The following CDH10 variants were observed in gnomAD, a reference collection of about 807,000 sequenced individuals.
CDH10 encodes cadherin-10.
A neutral mutation model predicts 73.1 loss-of-function variants in CDH10; 30 were observed. That is an observed-to-expected ratio of 0.41 (90% CI 0.31 to 0.56). The LOEUF (loss-of-function observed/expected upper bound fraction) is 0.56, where lower values mean the gene tolerates loss of function less well. CDH10 is among the 20% of genes least tolerant of loss of function. CDH10 has a pLI of 0.27. For missense variants in CDH10, 815 were observed against 973.7 expected (o/e 0.84, Z 2.17); for synonymous variants, 345 against 348.2 (o/e 0.99, Z 0.10).
At position 24,630,514 on chromosome 5, in the gene CDH10, C is replaced by T. The variant is rs532968817; in HGVS notation, c.-124+14080G>A. Among the ~76,000 whole-genome samples, 9 of 147,114 alleles carry T rather than the reference C, an allele frequency of 6.1e-5. No homozygotes were observed. In the South Asian group the frequency reaches 6.4e-4, roughly 11 times the overall value. On this transcript the variant is annotated intron_variant, in intron 1 of 11. Coordinates refer to ENST00000264463, the MANE Select transcript of CDH10 (RefSeq NM_006727.5). ...GCTGCAGTGATCTGAGATTGTGCCACGGCACTCCAGCCCTGGTGACAAAAA... is the reference window on the plus strand; with the variant it reads ...GCTGCAGTGATCTGAGATTGTGCCATGGCACTCCAGCCCTGGTGACAAAAA...
chr5:24,568,319 TA>T (rs1561168506), intron 2 of CDH10, among the ~76,000 whole-genome samples: 1 of 151,710 alleles, frequency 6.6e-6, no homozygotes, highest in Non-Finnish European at 1.5e-5. Flanking sequence ...GCAGCACAAT[TA>T]AAAAAAGATC....
Position 24,636,880 on chromosome 5 carries a change from CA to C in CDH10, c.-124+7713del, listed in dbSNP as rs1200127942. Among the ~76,000 whole-genome samples, 6 of 151,926 alleles carry C rather than the reference CA, an allele frequency of 3.9e-5. No homozygotes were observed. The East Asian group carries it at 7.8e-4, about 20-fold the overall frequency. Reference sequence around the variant, plus strand: ...TTGAAGTGCACCACGGATCACCAACCAAAAGGCTGCTCCTAAGGGAAGCACC... The same window carrying C: ...TTGAAGTGCACCACGGATCACCAACCAAAGGCTGCTCCTAAGGGAAGCACC... On this transcript the variant is annotated intron_variant, in intron 1 of 11. Transcript: ENST00000264463.
intron 1 of CDH10, among the ~76,000 whole-genome samples, chr5:24,628,297 C>T (rs944414875): frequency 1.3e-5 from 2 of 152,134 alleles, no homozygotes; most frequent in Non-Finnish European, 2.9e-5. Flanking sequence ...GGAGAAGATG[C>T]TATACAGCAA....
chr5:24,521,709 C>T (rs1381779296), intron 5 of CDH10, among the ~76,000 whole-genome samples: 1 of 151,982 alleles, frequency 6.6e-6, no homozygotes, highest in Middle Eastern at 3.2e-3. Flanking sequence ...AACTATTAAA[C>T]TAAACATAAC....
In CDH10 at chr5:24,580,468, T is replaced by G. The variant is rs531325177; in HGVS notation, c.231+12792A>C. Among the ~76,000 whole-genome samples, 50 of 152,250 alleles carry G rather than the reference T, an allele frequency of 3.3e-4. 1 individual carries two copies. The highest frequency in any genetic ancestry group is 1.4e-3 in the Admixed American group (21 of 15,282). Reference sequence around the variant, plus strand: ...GGTTAGAAGAATTTACTAAAGATATTCTATGATACCTTAGTTTTGTTGTAG... The same window carrying G: ...GGTTAGAAGAATTTACTAAAGATATGCTATGATACCTTAGTTTTGTTGTAG... On this transcript the variant is annotated intron_variant, in intron 2 of 11. Transcript: ENST00000264463.
chr5:24,511,319 C>T lies in CDH10; in HGVS notation c.1002+8G>A, dbSNP rs1742892572. ...ACACAGATGCTTATTTATATGGATG[C>T]TGTGCACCTTTTTCACAGTGATGAT... On this transcript the variant is annotated splice_region_variant and intron_variant, in intron 6 of 11. Transcript: ENST00000264463. 1.3e-6 allele frequency: 2 copies of T among 1,574,430 alleles called. No individual in the cohort carries two copies. The highest frequency in any genetic ancestry group is 1.7e-6 in the Non-Finnish European group (2 of 1,145,638).
chr5:24,604,376 C>G (rs1332265516), intron 1 of CDH10, among the ~76,000 whole-genome samples: 3 of 151,990 alleles, frequency 2.0e-5, no homozygotes, highest in African/African-American at 7.3e-5. Context: ...AAAAAATTTA[C>G]CAATGTGCAA....
intron 5 of CDH10, among the ~76,000 whole-genome samples, chr5:24,518,884 C>CT (rs36019861): frequency 0.48 from 37,203 of 77,462 alleles, 8,960 homozygotes; most frequent in South Asian, 0.52. Context: ...GACATGTGCA[C>CT]TTTTTTTTTT....
chr5:24,624,867 G>A (rs1392318162), intron 1 of CDH10, among the ~76,000 whole-genome samples: 1 of 152,012 alleles, frequency 6.6e-6, no homozygotes, highest in Non-Finnish European at 1.5e-5. Flanking sequence ...CAATAGAGCT[G>A]GAAAATGCTA....
At chr5:24,590,640 T>A (rs528886790) in intron 2 of CDH10, among the ~76,000 whole-genome samples, 1 of 152,052 alleles carries the variant, frequency 6.6e-6, no homozygotes, top group Non-Finnish European at 1.5e-5. Flanking sequence ...AATGGGTTTC[T>A]ATCTGAGAAA....
chr5:24,515,437 C>T (rs1743071221), intron 5 of CDH10, among the ~76,000 whole-genome samples: 1 of 152,046 alleles, frequency 6.6e-6, no homozygotes, highest in African/African-American at 2.4e-5. Flanking sequence ...GAAGAAGAGT[C>T]CAGTGGACGT....
intron 2 of CDH10, among the ~76,000 whole-genome samples, chr5:24,546,524 G>T (rs13357522): frequency 0.01 from 1,565 of 151,994 alleles, 35 homozygotes; most frequent in African/African-American, 0.036. Flanking sequence ...CATCTATAAA[G>T]ATCCTATTTA....
At chr5:24,500,484 T>C (rs555296887) in intron 8 of CDH10, among the ~76,000 whole-genome samples, 37 of 152,274 alleles carry the variant, frequency 2.4e-4, no homozygotes, top group Non-Finnish European at 4.7e-4. Context: ...TGTTGCATAT[T>C]ATCCACTTGT....
chr5:24,526,123 C>G (rs758813013), intron 5 of CDH10, among the ~76,000 whole-genome samples: 1 of 151,944 alleles, frequency 6.6e-6, no homozygotes, highest in African/African-American at 2.4e-5. Flanking sequence ...AACAGGTTTG[C>G]ATAACTGGTT....
intron 5 of CDH10, among the ~76,000 whole-genome samples, chr5:24,515,972 AG>A (rs1743096419): frequency 2.0e-5 from 3 of 152,160 alleles, no homozygotes; most frequent in African/African-American, 7.2e-5. Flanking sequence ...CATGACTATG[AG>A]GCCTTCCCAG....
intron 1 of CDH10, among the ~76,000 whole-genome samples, chr5:24,597,272 T>C (rs141935434): frequency 0.022 from 3,359 of 152,194 alleles, 126 homozygotes; most frequent in African/African-American, 0.076. Flanking sequence ...GTGGGTCTGG[T>C]GTGGGGCATA....
At chr5:24,635,438 T>C (rs2112207288) in intron 1 of CDH10, among the ~76,000 whole-genome samples, 1 of 152,092 alleles carries the variant, frequency 6.6e-6, no homozygotes, top group South Asian at 2.1e-4. Flanking sequence ...TATGCTTTTT[T>C]CCTCCTCTCG....
At chr5:24,509,413 G>T (rs1024603664) in intron 7 of CDH10, among the ~76,000 whole-genome samples, 153 bp downstream of exon 7, 46 of 151,334 alleles carry the variant, frequency 3.0e-4, no homozygotes, top group Non-Finnish European at 5.2e-4. Flanking sequence ...CTAATTTTTT[G>T]TATCTTTAGT....
rs192891787 is a variant in CDH10 at position 24,627,576 on chromosome 5, G to A, written c.-124+17018C>T. On this transcript the variant is annotated intron_variant, in intron 1 of 11. Coordinates refer to ENST00000264463, the MANE Select transcript of CDH10 (RefSeq NM_006727.5). The stretch of plus-strand genomic sequence containing the variant: ...TGGCTCTCTTGTTTACTAGCTTTGT[G>A]ATTTGTGAAAGTCATCTAAACTTCT... Among the ~76,000 whole-genome samples the A allele has an allele frequency of 1.6e-3, 243 of 152,168 alleles. 2 individuals are homozygous for A. The highest frequency in any genetic ancestry group is 4.5e-3 in the Admixed American group (69 of 15,266).
Sources: gnomAD v4.1 joint callset for allele counts (sites outside exome capture counted in the v4.1 genomes callset) on GRCh38, gnomAD v4.1.1 for gene constraint, MANE v1.5 for transcripts, NCBI Gene and HGNC (gene_info 2026-07-23, HGNC 2026-07-21) for gene names.